STXBP5: variants seen among roughly 807,000 people sequenced by gnomAD.
STXBP5 encodes syntaxin-binding protein 5.
In STXBP5, 50 loss-of-function variants were observed where a neutral mutation model predicts 152.4. The observed-to-expected ratio is 0.33, with a 90% CI of 0.26 to 0.42. The LOEUF is 0.42. STXBP5 is among the 10% of genes least tolerant of loss of function. The pLI is 1.00. For synonymous variants in STXBP5, 492 were observed against 494.7 expected (o/e 0.99, Z 0.07); for missense variants, 1,167 against 1,388.6 (o/e 0.84, Z 2.54).
At chr6:147,293,781 T>G (rs1444114934) in intron 9 of STXBP5, among the ~76,000 whole-genome samples, 1 of 152,228 alleles carries the variant, frequency 6.6e-6, no homozygotes, top group Non-Finnish European at 1.5e-5. Flanking sequence ...GTACTTTTTC[T>G]TTCTACAACC....
At chr6:147,237,508 C>G (rs1183083860) in intron 3 of STXBP5, among the ~76,000 whole-genome samples, 1 of 152,178 alleles carries the variant, frequency 6.6e-6, no homozygotes. Flanking sequence ...AAGAAGATGA[C>G]ATCGCCTGAT....
At chr6:147,281,948 A>G (rs1045343691) in intron 8 of STXBP5, among the ~76,000 whole-genome samples, 1 of 152,218 alleles carries the variant, frequency 6.6e-6, no homozygotes, top group Non-Finnish European at 1.5e-5. Context: ...TACAAATAAT[A>G]ATGAAACTTG....
chr6:147,321,320 T>G (rs1183686610), intron 16 of STXBP5, among the ~76,000 whole-genome samples: 3 of 152,148 alleles, frequency 2.0e-5, no homozygotes, highest in Non-Finnish European at 4.4e-5. Flanking sequence ...TTGGTTTATT[T>G]GAAGAAACAT....
In STXBP5 at chr6:147,385,005, A is replaced by G. The variant is rs1490700178; in HGVS notation, c.*250A>G. The stretch of plus-strand genomic sequence containing the variant: ...TTGGGAATTAAACAGGTCACACGTG[A>G]CAGATGAAGAAACCAAGGGGGCTGC... On this transcript the variant is annotated 3_prime_UTR_variant, in exon 28 of 28. Transcript: ENST00000321680. The G allele has an allele frequency of 6.4e-6, 3 of 466,532 alleles. No homozygotes were observed. Among genetic ancestry groups the G allele is most frequent in the African/African-American group, 4.0e-5 (2 of 49,530 alleles). 28.9% of individuals were successfully genotyped at this position (466,532 alleles called of 1,614,324 possible).
chr6:147,352,412 G>A (rs1784629814), intron 21 of STXBP5, among the ~76,000 whole-genome samples: 1 of 152,092 alleles, frequency 6.6e-6, no homozygotes, highest in Non-Finnish European at 1.5e-5. Flanking sequence ...GAAGCGAGTG[G>A]ATCACTTGAG....
chr6:147,232,400 CTA>C (rs1212339106), intron 2 of STXBP5, among the ~76,000 whole-genome samples: 2 of 151,714 alleles, frequency 1.3e-5, no homozygotes, highest in African/African-American at 4.8e-5. Context: ...TGTGTCCTTT[CTA>C]TGTTAGTATC....
At chr6:147,318,035 A>G (rs1300007121) in intron 16 of STXBP5, among the ~76,000 whole-genome samples, 1 of 152,178 alleles carries the variant, frequency 6.6e-6, no homozygotes, top group Admixed American at 6.5e-5. Context: ...ATAAACATAC[A>G]TTATCTTCAA....
chr6:147,353,785 C>G (rs1784696505), intron 22 of STXBP5, among the ~76,000 whole-genome samples: 1 of 152,020 alleles, frequency 6.6e-6, no homozygotes, highest in African/African-American at 2.4e-5. Context: ...TTCTGTATTA[C>G]AGTGAATCAT....
intron 8 of STXBP5, among the ~76,000 whole-genome samples, chr6:147,286,550 T>C (rs1582891801): frequency 6.6e-6 from 1 of 152,206 alleles, no homozygotes; most frequent in African/African-American, 2.4e-5. Context: ...AAACTAGCAC[T>C]CAGATGATTG....
chr6:147,337,866 TAAA>T (rs1158681637), intron 19 of STXBP5, among the ~76,000 whole-genome samples: 1 of 152,054 alleles, frequency 6.6e-6, no homozygotes, highest in Non-Finnish European at 1.5e-5. Context: ...ACATGGACTT[TAAA>T]AAAGTAACCT....
At chr6:147,295,581 G>A (rs1461476028) in intron 9 of STXBP5, among the ~76,000 whole-genome samples, 1 of 152,100 alleles carries the variant, frequency 6.6e-6, no homozygotes, top group African/African-American at 2.4e-5. Context: ...CCAGGATGAC[G>A]GCATAGAGGG....
At chr6:147,372,437 TTTTTTTTTTTTTTTTTTTTTTG>T (rs1785600142) in intron 25 of STXBP5, among the ~76,000 whole-genome samples, 1 of 76,072 alleles carries the variant, frequency 1.3e-5, no homozygotes, top group Non-Finnish European at 2.4e-5. Flanking sequence ...TTTTTTTTTT[TTTTTTTTTTTTTTTTTTTTTTG>T]AGACAGATTC....
chr6:147,329,704 C>T (rs1245699900), intron 18 of STXBP5, among the ~76,000 whole-genome samples: 1 of 128,630 alleles, frequency 7.8e-6, no homozygotes, highest in Non-Finnish European at 1.6e-5. Context: ...TGGCTCACTG[C>T]AAGCTCCGCC....
chr6:147,241,429 T>C (rs1778535555), intron 4 of STXBP5, among the ~76,000 whole-genome samples: 1 of 152,196 alleles, frequency 6.6e-6, no homozygotes, highest in Admixed American at 6.5e-5. Flanking sequence ...AAAACCAATA[T>C]GTGTCACCTG....
intron 2 of STXBP5, among the ~76,000 whole-genome samples, chr6:147,212,081 G>A (rs1776886520): frequency 6.6e-6 from 1 of 152,208 alleles, no homozygotes; most frequent in Non-Finnish European, 1.5e-5. Context: ...TGTATCAGCT[G>A]TAAGTTGTGA....
chr6:147,213,477 T>TGTGTGCGC lies in STXBP5; in HGVS notation c.248+7410_248+7411insTGTGCGCG. 1.4e-3 allele frequency among the ~76,000 whole-genome samples: 178 copies of TGTGTGCGC among 131,302 alleles called. 1 individual carries two copies. Among genetic ancestry groups the TGTGTGCGC allele is most frequent in the African/African-American group, 5.1e-3 (160 of 31,344 alleles). The allele number at this position is 131,302 out of a possible 152,430, so 86.1% of individuals were successfully genotyped here. ...GTGTGTGTGTGTGTGTGTGTGTGTG[T>TGTGTGCGC]GCGCGCGCATATATATATTTTTTCT... On this transcript the variant is annotated intron_variant, in intron 2 of 27. Coordinates refer to ENST00000321680, the MANE Select transcript of STXBP5 (RefSeq NM_001127715.4).
chr6:147,353,948 A>G (rs1468660312), intron 22 of STXBP5, among the ~76,000 whole-genome samples: 1 of 152,178 alleles, frequency 6.6e-6, no homozygotes, highest in Non-Finnish European at 1.5e-5. Context: ...CAGCACCTTG[A>G]TATCACATAG....
intron 2 of STXBP5, among the ~76,000 whole-genome samples, chr6:147,225,342 G>T (rs1235216241): frequency 1.3e-5 from 2 of 152,062 alleles, no homozygotes; most frequent in African/African-American, 4.8e-5. Context: ...TTTAAACTTT[G>T]CAAGATATAA....
intron 26 of STXBP5, among the ~76,000 whole-genome samples, chr6:147,375,994 G>A (rs1186604372): frequency 6.6e-6 from 1 of 151,986 alleles, no homozygotes; most frequent in African/African-American, 2.4e-5. Context: ...CACACTAAAG[G>A]GAATTCTAAA....
Sources: gnomAD v4.1 joint callset for allele counts (sites outside exome capture counted in the v4.1 genomes callset) on GRCh38, gnomAD v4.1.1 for gene constraint, MANE v1.5 for transcripts, NCBI Gene and HGNC (gene_info 2026-07-23, HGNC 2026-07-21) for gene names.